Variants in ITPR1 observed in about 807,000 individuals in gnomAD.
ITPR1 encodes inositol 1,4,5-trisphosphate receptor type 1.
A neutral mutation model predicts 318.4 loss-of-function variants in ITPR1; 96 were observed. The ratio of observed to expected loss-of-function variants is 0.30; its 90% CI spans 0.26 to 0.36. ITPR1 has a LOEUF of 0.36. Among genes scored for constraint, ITPR1 ranks in the 10% least tolerant of loss-of-function variants. The pLI, the probability that ITPR1 is intolerant of heterozygous loss-of-function variation, is 1.00. For missense variants in ITPR1, 2,440 were observed against 3,460.2 expected, an observed-to-expected ratio of 0.71 and a Z score of 7.40; for synonymous variants, 1,312 against 1,289.9, an observed-to-expected ratio of 1.02 and a Z score of -0.37.
intron 44 of ITPR1, among the ~76,000 whole-genome samples, chr3:4,760,490 G>A (rs563621529): frequency 2.6e-5 from 4 of 152,242 alleles, no homozygotes; most frequent in South Asian, 2.1e-4. Context: ...ACTTTGATTC[G>A]ATATGACAAA....
intron 50 of ITPR1, 98 bp from the exon 51 acceptor site, chr3:4,783,718 T>G: frequency 1.0e-6 from 1 of 977,326 alleles, no homozygotes; most frequent in Non-Finnish European, 1.6e-6. Context: ...TTGCTGCTGG[T>G]TATTATGCAT....
Position 4,521,100 on chromosome 3 carries a change from G to A in ITPR1, c.163+6G>A, listed in dbSNP as rs768246410. On this transcript the variant is annotated splice_donor_region_variant and intron_variant, in intron 4 of 61. Transcript: ENST00000649015. The stretch of plus-strand genomic sequence containing the variant: ...TCCACCTAAGAAATTCAGAGGTAAG[G>A]TGGTGGCTTTCCTGGAGTAGTCACC... The A allele has an allele frequency of 3.1e-6, 5 of 1,608,380 alleles. No homozygotes were observed. The South Asian group carries it at 5.5e-5, about 18-fold the overall frequency.
chr3:4,643,327 C>T (rs1170210137), intron 7 of ITPR1, among the ~76,000 whole-genome samples: 1 of 152,128 alleles, frequency 6.6e-6, no homozygotes, highest in Non-Finnish European at 1.5e-5. Context: ...CTTTTCTAAC[C>T]AAAAATAAAA....
At chr3:4,794,532 C>T (rs778773565) in intron 52 of ITPR1, among the ~76,000 whole-genome samples, 4 of 152,138 alleles carry the variant, frequency 2.6e-5, no homozygotes, top group African/African-American at 7.2e-5. Context: ...TAGGCACTGG[C>T]GTGTTAGTGG....
At chr3:4,760,583 A>C (rs201531022) in intron 44 of ITPR1, among the ~76,000 whole-genome samples, 1 of 152,188 alleles carries the variant, frequency 6.6e-6, no homozygotes, top group East Asian at 1.9e-4. Context: ...AACCAAATGT[A>C]TTGTTTTATA....
chr3:4,786,588 A>G (rs967091681), intron 51 of ITPR1, among the ~76,000 whole-genome samples: 2 of 152,202 alleles, frequency 1.3e-5, no homozygotes, highest in Non-Finnish European at 2.9e-5. Flanking sequence ...GGAAGAAGAG[A>G]GACTTGTGCC....
chr3:4,747,227 C>T (rs2044174972), intron 44 of ITPR1, among the ~76,000 whole-genome samples: 1 of 152,166 alleles, frequency 6.6e-6, no homozygotes, highest in South Asian at 2.1e-4. Flanking sequence ...TAGCCAGGCG[C>T]CCTCACTGCA....
intron 8 of ITPR1, among the ~76,000 whole-genome samples, chr3:4,644,452 C>G (rs1053718783): frequency 1.3e-5 from 2 of 152,234 alleles, no homozygotes; most frequent in African/African-American, 4.8e-5. Flanking sequence ...CACTCTAGTG[C>G]TCAGTTTGTG....
At chr3:4,686,030 C>T (rs569854306) in intron 30 of ITPR1, among the ~76,000 whole-genome samples, 2 of 152,142 alleles carry the variant, frequency 1.3e-5, no homozygotes, top group African/African-American at 4.8e-5. Flanking sequence ...GGGTGCCAGG[C>T]GCCATGCTGA....
intron 52 of ITPR1, among the ~76,000 whole-genome samples, chr3:4,791,189 A>G (rs1309597650): frequency 6.6e-6 from 1 of 152,220 alleles, no homozygotes. Flanking sequence ...TTGCCAATCC[A>G]GGATCACAGC....
intron 7 of ITPR1, among the ~76,000 whole-genome samples, chr3:4,643,014 C>A (rs1389217080): frequency 2.0e-5 from 3 of 152,184 alleles, no homozygotes; most frequent in African/African-American, 7.2e-5. Flanking sequence ...GGTTTTGACA[C>A]TTTTTAATAG....
At chr3:4,730,291 ATG>A (rs1216572062) in intron 42 of ITPR1, among the ~76,000 whole-genome samples, 1 of 128,900 alleles carries the variant, frequency 7.8e-6, no homozygotes, top group African/African-American at 2.8e-5. Flanking sequence ...GTGTGTGTGT[ATG>A]TGTGTATAGA....
intron 4 of ITPR1, among the ~76,000 whole-genome samples, chr3:4,609,067 T>TATATATAC (rs1553643447): frequency 3.4e-5 from 3 of 87,204 alleles, no homozygotes; most frequent in African/African-American, 1.4e-4. Flanking sequence ...TATATATATA[T>TATATATAC]ATATATATAT....
chr3:4,845,727 C>A (rs1044446881), intron 61 of ITPR1, among the ~76,000 whole-genome samples: 3 of 152,138 alleles, frequency 2.0e-5, no homozygotes, highest in African/African-American at 7.2e-5. Context: ...AGTGTGGACA[C>A]GAACCCTCCC....
chr3:4,818,895 G>T (rs2106503680), intron 60 of ITPR1, among the ~76,000 whole-genome samples: 1 of 152,292 alleles, frequency 6.6e-6, no homozygotes, highest in East Asian at 1.9e-4. Flanking sequence ...TCCCGGGCCA[G>T]CTGTCCTTTC....
intron 60 of ITPR1, among the ~76,000 whole-genome samples, chr3:4,835,816 T>C (rs2050869471): frequency 6.6e-6 from 1 of 152,152 alleles, no homozygotes; most frequent in Admixed American, 6.5e-5. Flanking sequence ...GGAGGAGTTG[T>C]CCCATTCTGT....
intron 57 of ITPR1, among the ~76,000 whole-genome samples, chr3:4,813,459 A>C (rs2049073400): frequency 6.6e-6 from 1 of 152,198 alleles, no homozygotes; most frequent in South Asian, 2.1e-4. Context: ...GCCATTTGCC[A>C]GGGACTGTGG....
At chr3:4,741,388 G>T (rs1246485266) in intron 44 of ITPR1, among the ~76,000 whole-genome samples, 3 of 152,158 alleles carry the variant, frequency 2.0e-5, no homozygotes, top group Non-Finnish European at 4.4e-5. Context: ...CTATTCCTAT[G>T]CCAAAGTCTA....
At position 4,669,684 on chromosome 3, in the gene ITPR1, C is replaced by G; in HGVS notation, c.1917C>G (p.Val639=). 1 of 1,613,126 alleles carries G rather than the reference C, an allele frequency of 6.2e-7. No homozygotes were observed. Among genetic ancestry groups the G allele is most frequent in the Non-Finnish European group, 8.5e-7 (1 of 1,179,344 alleles). The change falls in exon 19 of 62, where the codon GTC becomes GTG. Residue 639 remains valine (V), a synonymous_variant. Coordinates refer to ENST00000649015, the MANE Select transcript of ITPR1 (RefSeq NM_001378452.1). The stretch of plus-strand genomic sequence containing the variant: ...TAGATTACCTCTCCGACCTCTGTGT[C>G]TCCATGAACAAATCAATTCCAGTGA... The part of the protein sequence containing the change: ...RFLDYLSDLC[V]SMNKSIPVTQ...
Sources: allele counts gnomAD v4.1 joint callset (sites outside exome capture counted in the v4.1 genomes callset), GRCh38; gene constraint gnomAD v4.1.1; transcripts MANE v1.5; gene names NCBI Gene and HGNC (gene_info 2026-07-23, HGNC 2026-07-21).